Variants in IGF2 observed in about 807,000 individuals in gnomAD.
IGF2 encodes insulin like growth factor 2.
Under a neutral mutation model 12.0 loss-of-function variants are expected in IGF2, and 2 were observed. That is an observed-to-expected ratio of 0.17 (90% CI 0.07 to 0.52). IGF2 has a LOEUF of 0.52. Among genes scored for constraint, IGF2 ranks in the 20% least tolerant of loss-of-function variants. The pLI, the probability that IGF2 is intolerant of heterozygous loss-of-function variation, is 0.95. For synonymous variants in IGF2, 105 were observed against 110.1 expected (o/e 0.95, Z 0.29); for missense variants, 211 against 268.0 (o/e 0.79, Z 1.48).
chr11:2,143,538 G>A (rs1312832583), upstream of IGF2, among the ~76,000 whole-genome samples: 1 of 152,066 alleles, frequency 6.6e-6, no homozygotes, highest in African/African-American at 2.4e-5. Flanking sequence ...GACCACCACG[G>A]ACCAAGGGCT....
upstream of IGF2, among the ~76,000 whole-genome samples, chr11:2,145,557 C>T (rs572751732): frequency 8.3e-4 from 126 of 152,320 alleles, 1 homozygote; most frequent in African/African-American, 2.9e-3. Context: ...GGGGTCCCTT[C>T]CCTTTGTTCT....
chr11:2,138,400 G>GA lies in IGF2; in HGVS notation c.-179dup, dbSNP rs1317105483. 3.4e-6 allele frequency: 1 copy of GA among 296,570 alleles called. No homozygotes were observed. The highest frequency in any genetic ancestry group is 2.5e-5 in the African/African-American group (1 of 40,796). 18.4% of individuals were successfully genotyped at this position (296,570 alleles called of 1,614,324 possible). A position where few individuals can be genotyped will look rare whatever the true frequency, so the allele number is the denominator to read the frequency against. ...GATGGCTTTTTTTTGGGGGGGGGGG[G>GA]AGAATTCGTCTGATTGTCCAGGGAG... On this transcript the variant is annotated 5_prime_UTR_variant, in exon 1 of 4. Coordinates refer to ENST00000416167, the MANE Select transcript of IGF2 (RefSeq NM_000612.6).
rs1858380826 is a variant in IGF2 at position 2,129,401 on chromosome 11, CA to C, written c.*3585del. 4.4e-6 allele frequency: 1 copy of C among 229,422 alleles called. No homozygotes were observed. Among genetic ancestry groups the C allele is most frequent in the Admixed American group, 5.7e-5 (1 of 17,650 alleles). 14.2% of individuals were successfully genotyped at this position (229,422 alleles called of 1,614,324 possible). On this transcript the variant is annotated 3_prime_UTR_variant, in exon 4 of 4. Coordinates refer to ENST00000416167, the MANE Select transcript of IGF2 (RefSeq NM_000612.6). This position sits in a 1 kb window ranked among gnomAD's most constrained non-coding sequence, Gnocchi z 8.1. ...GCCACGACTAGGCACGGAGGTCAGA[CA>C]GGCAGCCCGGGCCAGGATGGTTAGT... is the stretch of plus-strand genomic sequence containing the variant.
At position 2,130,963 on chromosome 11, in the gene IGF2, TG is replaced by T. The variant is rs1304467414; in HGVS notation, c.*2023del. The T allele has an allele frequency of 1.8e-5, 4 of 222,250 alleles. No individual in the cohort carries two copies. Among genetic ancestry groups the T allele is most frequent in the African/African-American group, 9.0e-5 (4 of 44,580 alleles). The allele number at this position is 222,250 out of a possible 1,614,324, so 13.8% of individuals were successfully genotyped here. A position where few individuals can be genotyped will look rare whatever the true frequency, so the allele number is the denominator to read the frequency against. On this transcript the variant is annotated 3_prime_UTR_variant, in exon 4 of 4. Coordinates refer to ENST00000416167, the MANE Select transcript of IGF2 (RefSeq NM_000612.6). ...GCACACCAGGGAGTCAGGCTACTCG[TG>T]GGGGCATGTCTGCTCAGCTACCGCC...
At chr11:2,139,411 G>C (rs867178886), upstream of IGF2, 1 of 147,760 alleles carries the variant, frequency 6.8e-6, no homozygotes, top group Non-Finnish European at 1.5e-5. Context: ...GCCCACGCCC[G>C]GCTCTTATAG....
At position 2,138,517 on chromosome 11, in the gene IGF2, AT is replaced by A; in HGVS notation, c.-296del. On this transcript the variant is annotated 5_prime_UTR_variant, in exon 1 of 4. Transcript: ENST00000416167. ...AATGAGGTCAGCTGTTGTATCAAGG[AT>A]AGAGGGGGGCAGAGATAGTGGGAGA... 1.3e-6 allele frequency: 1 copy of A among 774,394 alleles called. No individual in the cohort carries two copies. Among genetic ancestry groups the A allele is most frequent in the Non-Finnish European group, 1.5e-6 (1 of 667,848 alleles). 48.0% of individuals were successfully genotyped at this position (774,394 alleles called of 1,614,324 possible). A position where few individuals can be genotyped will look rare whatever the true frequency, so the allele number is the denominator to read the frequency against.
In IGF2 at chr11:2,138,886, G is replaced by T; in HGVS notation, c.-664C>A. 2.0e-6 allele frequency: 2 copies of T among 984,202 alleles called. No homozygotes were observed. Among genetic ancestry groups the T allele is most frequent in the Non-Finnish European group, 2.4e-6 (2 of 829,010 alleles). The allele number at this position is 984,202 out of a possible 1,614,324, so 61.0% of individuals were successfully genotyped here. A position where few individuals can be genotyped will look rare whatever the true frequency, so the allele number is the denominator to read the frequency against. ...GCGGTGACTGGGGGGCGGAGTGGAG[G>T]CTGCACCCGGACCGCGGGCGCCCAG... On this transcript the variant is annotated 5_prime_UTR_variant, in exon 1 of 4. Coordinates refer to ENST00000416167, the MANE Select transcript of IGF2 (RefSeq NM_000612.6).
chr11:2,135,561 G>A (rs1858952149), intron 1 of IGF2, 32 bp from the exon 2 acceptor site: 3 of 1,596,282 alleles, frequency 1.9e-6, no homozygotes, highest in Non-Finnish European at 2.6e-6. Flanking sequence ...CGTGAGCGGG[G>A]CAGCCAGGCC....
chr11:2,138,452 G>T lies in IGF2; in HGVS notation c.-230C>A. 1 of 860,436 alleles carries T rather than the reference G, an allele frequency of 1.2e-6. No homozygotes were observed. Among genetic ancestry groups the T allele is most frequent in the Non-Finnish European group, 1.4e-6 (1 of 720,166 alleles). The allele number at this position is 860,436 out of a possible 1,614,324, so 53.3% of individuals were successfully genotyped here. A position where few individuals can be genotyped will look rare whatever the true frequency, so the allele number is the denominator to read the frequency against. ...ACGGGCTGTCTTCGGGCTGGGGCGG[G>T]CCAGATGTTGTACTTTTCGGGGGGG... On this transcript the variant is annotated 5_prime_UTR_variant, in exon 1 of 4. Transcript: ENST00000416167.
At chr11:2,149,234 C>T in the IGF2 span, 24 of 1,613,466 alleles carry the variant, frequency 1.5e-5, 1 homozygote, top group Non-Finnish European at 1.9e-5. Context: ...GGACGATGAT[C>T]CGCCGGCCTG....
In IGF2 at chr11:2,129,323, AG is replaced by A. The variant is rs1157751432; in HGVS notation, c.*3663del. ...GTGATGGCAGAGGAGGGGACCCAAGAGGGGGCCCCCCACTGAAGACATTGGG... is the reference window on the plus strand; with the variant it reads ...GTGATGGCAGAGGAGGGGACCCAAGAGGGGCCCCCCACTGAAGACATTGGG... On this transcript the variant is annotated 3_prime_UTR_variant, in exon 4 of 4. Coordinates refer to ENST00000416167, the MANE Select transcript of IGF2 (RefSeq NM_000612.6). The surrounding 1 kb of genome is among the most constrained non-coding windows in gnomAD (Gnocchi z 8.1). 2 of 218,000 alleles carry A rather than the reference AG, an allele frequency of 9.2e-6. No individual in the cohort carries two copies. The highest frequency in any genetic ancestry group is 5.8e-5 in the Admixed American group (1 of 17,220). 13.5% of individuals were successfully genotyped at this position (218,000 alleles called of 1,614,324 possible).
chr11:2,140,152 C>G, upstream of IGF2: 1 of 1,613,158 alleles, frequency 6.2e-7, no homozygotes, highest in African/African-American at 1.3e-5. Flanking sequence ...GCCGAGCTCA[C>G]CGGGGTGCGT....
the IGF2 span, chr11:2,146,368 G>C: frequency 5.6e-6 from 3 of 535,300 alleles, no homozygotes; most frequent in East Asian, 5.4e-5. Flanking sequence ...CGCCGCAGAC[G>C]AGGCGCTGAC....
At position 2,131,059 on chromosome 11, in the gene IGF2, A is replaced by G; in HGVS notation, c.*1928T>C. On this transcript the variant is annotated 3_prime_UTR_variant, in exon 4 of 4. Coordinates refer to ENST00000416167, the MANE Select transcript of IGF2 (RefSeq NM_000612.6). ...CACACAGTAAGTAAGGTGTATCGGG[A>G]ATGGGTGGGGTATGGGGAGCATCGT... is the stretch of plus-strand genomic sequence containing the variant. 1 of 232,178 alleles carries G rather than the reference A, an allele frequency of 4.3e-6. No homozygotes were observed. The highest frequency in any genetic ancestry group is 2.2e-5 in the African/African-American group (1 of 45,334). The allele number at this position is 232,178 out of a possible 1,614,324, so 14.4% of individuals were successfully genotyped here.
rs1005333588 is a variant in IGF2 at position 2,130,987 on chromosome 11, G to T, written c.*2000C>A. ...GTGGGGGCATGTCTGCTCAGCTACC[G>T]CCATCTCCAATGTGGCCAAACTCCT... On this transcript the variant is annotated 3_prime_UTR_variant, in exon 4 of 4. Coordinates refer to ENST00000416167, the MANE Select transcript of IGF2 (RefSeq NM_000612.6). The T allele has an allele frequency of 4.4e-6, 1 of 225,696 alleles. No individual in the cohort carries two copies. The highest frequency in any genetic ancestry group is 6.3e-5 in the East Asian group (1 of 15,766). The allele number at this position is 225,696 out of a possible 1,614,324, so 14.0% of individuals were successfully genotyped here. A position where few individuals can be genotyped will look rare whatever the true frequency, so the allele number is the denominator to read the frequency against.
At chr11:2,142,979 G>A (rs35224423), upstream of IGF2, among the ~76,000 whole-genome samples, 3 of 152,234 alleles carry the variant, frequency 2.0e-5, no homozygotes, top group South Asian at 2.1e-4. This position sits in a 1 kb window ranked among gnomAD's most constrained non-coding sequence, Gnocchi z 5.7. Context: ...GACCTGATTC[G>A]TGGCCAGGCA....
rs1200293095 is a variant in IGF2 at position 2,132,567 on chromosome 11, A to T, written c.*420T>A. 2 of 157,232 alleles carry T rather than the reference A, an allele frequency of 1.3e-5. No individual in the cohort carries two copies. The highest frequency in any genetic ancestry group is 1.0e-4 in the Admixed American group (1 of 10,014). The allele number at this position is 157,232 out of a possible 1,614,324, so 9.7% of individuals were successfully genotyped here. A position where few individuals can be genotyped will look rare whatever the true frequency, so the allele number is the denominator to read the frequency against. On this transcript the variant is annotated 3_prime_UTR_variant, in exon 4 of 4. Transcript: ENST00000416167. ...AATACTTTTTTTTTTTAGCCAATTG[A>T]TTTTTTTTGGTGGTTGTTTTTTTTA...
chr11:2,137,162 G>T, intron 1 of IGF2: 2 of 897,328 alleles, frequency 2.2e-6, no homozygotes, highest in Non-Finnish European at 2.7e-6. Context: ...TGGCAGCGGG[G>T]GTCCTCACTC....
chr11:2,149,333 G>A, the IGF2 span: 1 of 1,611,762 alleles, frequency 6.2e-7, no homozygotes, highest in Non-Finnish European at 8.5e-7. Context: ...GGAGGAGAGG[G>A]ACAAAGCTGA....
Sources: gnomAD v4.1 joint callset for allele counts (sites outside exome capture counted in the v4.1 genomes callset) on GRCh38, gnomAD v4.1.1 for gene constraint, Gnocchi (gnomAD v3.1) non-coding constraint, MANE v1.5 for transcripts, NCBI Gene and HGNC (gene_info 2026-07-23, HGNC 2026-07-21) for gene names.